LONRF1: variants seen among roughly 807,000 people sequenced by gnomAD.
LONRF1 encodes LON peptidase N-terminal domain and ring finger 1, also known as LON peptidase N-terminal domain and RING finger protein 1.
A neutral mutation model predicts 85.8 loss-of-function variants in LONRF1; 37 were observed. That is an observed-to-expected ratio of 0.43 (90% CI 0.33 to 0.57). The LOEUF (loss-of-function observed/expected upper bound fraction) is 0.57. Among genes scored for constraint, LONRF1 ranks in the 20% least tolerant of loss-of-function variants. The pLI is 0.04. For synonymous variants in LONRF1, 517 were observed against 390.1 expected (o/e 1.33, Z -3.83); for missense variants, 1,036 against 978.0 (o/e 1.06, Z -0.79).
At chr8:12,753,477 G>A (rs1008537353) in intron 1 of LONRF1, 1 of 152,150 alleles carries the variant, frequency 6.6e-6, no homozygotes, top group Non-Finnish European at 1.5e-5. Flanking sequence ...AGTGGCACTT[G>A]GGGCCTGATA....
intron 1 of LONRF1, among the ~76,000 whole-genome samples, chr8:12,750,632 A>G (rs537128604): frequency 6.6e-6 from 1 of 152,344 alleles, no homozygotes; most frequent in Non-Finnish European, 1.5e-5. Context: ...TAGTTGAGTT[A>G]CTAAAGATAA....
intron 10 of LONRF1, among the ~76,000 whole-genome samples, chr8:12,726,672 A>G (rs1798320065): frequency 6.6e-6 from 1 of 152,212 alleles, no homozygotes; most frequent in Non-Finnish European, 1.5e-5. Context: ...CCCACTTGCT[A>G]CTTGCCAGGT....
Position 12,725,797 on chromosome 8 carries a change from A to G in LONRF1, c.2093T>C (p.Leu698Ser). The G allele has an allele frequency of 6.2e-7, 1 of 1,613,922 alleles. No homozygotes were observed. Among genetic ancestry groups the G allele is most frequent in the Non-Finnish European group, 8.5e-7 (1 of 1,179,830 alleles). The change falls in exon 11 of 12, where the codon TTA (leucine) becomes TCA (serine). Residue 698 changes from leucine (L) to serine (S), a missense_variant. This residue lies in a region of LONRF1 where 265 missense variants were observed against 301.5 expected (regional missense o/e 0.88). Coordinates refer to ENST00000398246, the MANE Select transcript of LONRF1 (RefSeq NM_152271.5). ...AATTTGGCTTCGAAATCTGTCTCTT[A>G]AATTCTGAAACCAGCTGCAGGCTTG... ...YSQACSWFQN[L>S]RDRFRSQILQ... is the part of the protein sequence containing the mutation.
Position 12,740,732 on chromosome 8 carries a change from A to C in LONRF1, c.963+142T>G. 2.8e-6 allele frequency: 3 copies of C among 1,066,240 alleles called. No individual in the cohort carries two copies. In the South Asian group the frequency reaches 5.0e-5, roughly 18 times the overall value. 66.0% of individuals were successfully genotyped at this position (1,066,240 alleles called of 1,614,324 possible). ...AATATAATACGTACATGAACCTGAAAACCACTCAAATTATCACATTTGTTC... is the reference window on the plus strand; with the variant it reads ...AATATAATACGTACATGAACCTGAACACCACTCAAATTATCACATTTGTTC... On this transcript the variant is annotated intron_variant, in intron 3 of 11. Transcript: ENST00000398246.
chr8:12,754,468 T>C (rs1417040945), intron 1 of LONRF1: 7 of 402,162 alleles, frequency 1.7e-5, no homozygotes, highest in Middle Eastern at 7.0e-4. Context: ...CGAGCGCCCC[T>C]CCCCGCGCCG....
rs117483572 is a variant in LONRF1 at position 12,732,626 on chromosome 8, C to T, written c.1567-769G>A. ...GCAAAACATGTCTATCCTTCAAGGT[C>T]TGACTCCAATTTTACCTTTTTCACA... is the stretch of plus-strand genomic sequence containing the variant. On this transcript the variant is annotated intron_variant, in intron 7 of 11. Transcript: ENST00000398246. Among the ~76,000 whole-genome samples, 133 of 152,330 alleles carry T rather than the reference C, an allele frequency of 8.7e-4. 1 individual carries two copies. Among genetic ancestry groups the T allele is most frequent in the Non-Finnish European group, 1.6e-3 (107 of 68,036 alleles).
intron 10 of LONRF1, among the ~76,000 whole-genome samples, chr8:12,728,311 TTAAGA>T (rs1798397985): frequency 6.6e-6 from 1 of 152,162 alleles, no homozygotes. Context: ...CCCTACCCTG[TTAAGA>T]TATCACCAAC....
Position 12,743,169 on chromosome 8 carries a change from G to A in LONRF1, c.835C>T (p.Pro279Ser), listed in dbSNP as rs1301700932. The A allele has an allele frequency of 2.5e-5, 40 of 1,598,500 alleles. No homozygotes were observed. Among genetic ancestry groups the A allele is most frequent in the Non-Finnish European group, 3.3e-5 (38 of 1,166,632 alleles). ...NAVLFQLPDW[P>S]EVYFRKGKVL... ...ACATAAAACAGTAATTTTACCTCAGGCCAATCTGGAAGTTGAAAAAGAACT... is the reference window on the plus strand; with the variant it reads ...ACATAAAACAGTAATTTTACCTCAGACCAATCTGGAAGTTGAAAAAGAACT... The change falls in exon 2 of 12, where the codon CCT becomes TCT. Residue 279 changes from proline to serine, a missense_variant. Pro to Ser is a moderately conservative substitution (Grantham distance 74). Coordinates refer to ENST00000398246, the MANE Select transcript of LONRF1 (RefSeq NM_152271.5).
intron 8 of LONRF1, 116 bp from the exon 9 acceptor site, chr8:12,729,448 T>A (rs1382047069): frequency 9.7e-7 from 1 of 1,033,240 alleles, no homozygotes; most frequent in Non-Finnish European, 1.4e-6. Context: ...AAAAAAAGAA[T>A]TAGTTCTAAA....
intron 1 of LONRF1, among the ~76,000 whole-genome samples, chr8:12,743,737 G>A (rs865779563): frequency 1.1e-4 from 16 of 152,000 alleles, no homozygotes; most frequent in African/African-American, 3.9e-4. Context: ...CGGTGACAAG[G>A]GACTGATAAA....
chr8:12,722,384 T>A lies in LONRF1; in HGVS notation c.*712A>T, dbSNP rs1276666757. 2.6e-5 allele frequency: 4 copies of A among 152,664 alleles called. No individual in the cohort carries two copies. Among genetic ancestry groups the A allele is most frequent in the African/African-American group, 9.6e-5 (4 of 41,464 alleles). 9.5% of individuals were successfully genotyped at this position (152,664 alleles called of 1,614,324 possible). A position where few individuals can be genotyped will look rare whatever the true frequency, so the allele number is the denominator to read the frequency against. On this transcript the variant is annotated 3_prime_UTR_variant, in exon 12 of 12. Coordinates refer to ENST00000398246, the MANE Select transcript of LONRF1 (RefSeq NM_152271.5). ...TATTTTCACAGTTTTGAGTGTTTTATGAATAGATGCACAGTACCATGTCAG... is the reference window on the plus strand; with the variant it reads ...TATTTTCACAGTTTTGAGTGTTTTAAGAATAGATGCACAGTACCATGTCAG...
At chr8:12,729,576 G>A (rs1798448841) in intron 8 of LONRF1, among the ~76,000 whole-genome samples, 1 of 152,050 alleles carries the variant, frequency 6.6e-6, no homozygotes, top group Non-Finnish European at 1.5e-5. Context: ...AGAGTAAACT[G>A]AATTTTAAGA....
At chr8:12,739,304 T>C (rs375272945) in intron 3 of LONRF1, among the ~76,000 whole-genome samples, 1 of 47,648 alleles carries the variant, frequency 2.1e-5, no homozygotes, top group Admixed American at 1.9e-4. Flanking sequence ...TAAAAAACAA[T>C]AAAAAATGAC....
chr8:12,751,977 A>G (rs1245494352), intron 1 of LONRF1, among the ~76,000 whole-genome samples: 1 of 152,204 alleles, frequency 6.6e-6, no homozygotes, highest in East Asian at 1.9e-4. Context: ...ATATATTTCA[A>G]TTCAACAGAA....
intron 1 of LONRF1, among the ~76,000 whole-genome samples, chr8:12,746,250 C>A (rs953477668): frequency 6.6e-6 from 1 of 152,150 alleles, no homozygotes; most frequent in African/African-American, 2.4e-5. Context: ...CAAGGTAAAA[C>A]AGGTATTATT....
chr8:12,731,841 C>G lies in LONRF1; in HGVS notation c.1583G>C (p.Arg528Thr). The G allele has an allele frequency of 1.9e-6, 3 of 1,612,064 alleles. No individual in the cohort carries two copies. The highest frequency in any genetic ancestry group is 2.5e-6 in the Non-Finnish European group (3 of 1,178,888). The change falls in exon 8 of 12, where the codon AGG becomes ACG. Residue 528 changes from arginine to threonine, a missense_variant. Around this residue, in one of 3 missense-constraint regions of LONRF1, gnomAD observed 265 missense variants for 301.5 expected, o/e 0.88. Transcript: ENST00000398246. ...TTCCAACAGCTGTGTGACACAGTAC[C>G]TCCTATCTGCTAGATACTAAAAGAC... ...ESLKEYLADR[R>T]YCVTQLLEEL...
In LONRF1 at chr8:12,743,049, G is replaced by A. The variant is rs1459567758; in HGVS notation, c.840+115C>T. 8 of 715,412 alleles carry A rather than the reference G, an allele frequency of 1.1e-5. No homozygotes were observed. In the Admixed American group the frequency reaches 1.9e-4, roughly 17 times the overall value. 44.3% of individuals were successfully genotyped at this position (715,412 alleles called of 1,614,324 possible). ...GTGAACCTATATTTCTAGAGCACTAGATATTTTATTTGGAGTCAACCATCT... is the reference window on the plus strand; with the variant it reads ...GTGAACCTATATTTCTAGAGCACTAAATATTTTATTTGGAGTCAACCATCT... On this transcript the variant is annotated intron_variant, in intron 2 of 11. Coordinates refer to ENST00000398246, the MANE Select transcript of LONRF1 (RefSeq NM_152271.5).
intron 1 of LONRF1, among the ~76,000 whole-genome samples, chr8:12,747,863 T>A (rs7464076): frequency 7.2e-5 from 11 of 152,318 alleles, no homozygotes; most frequent in Admixed American, 7.2e-4. Context: ...TTCTGTCTGG[T>A]CTGCTGGTGC....
intron 11 of LONRF1, among the ~76,000 whole-genome samples, chr8:12,723,987 T>C (rs953828409): frequency 8.5e-5 from 13 of 152,228 alleles, no homozygotes; most frequent in Admixed American, 8.5e-4. Context: ...TCACTGAACC[T>C]TAAATTGCTA....
Sources: gnomAD v4.1 joint callset for allele counts (sites outside exome capture counted in the v4.1 genomes callset) on GRCh38, gnomAD v4.1.1 for gene constraint, gnomAD v4.1.1 regional missense constraint, MANE v1.5 for transcripts, NCBI Gene and HGNC (gene_info 2026-07-23, HGNC 2026-07-21) for gene names.